Variants in MAST3 observed in about 807,000 individuals in gnomAD.
The protein encoded by MAST3 is microtubule associated serine/threonine kinase 3.
A neutral mutation model predicts 127.0 loss-of-function variants in MAST3; 43 were observed. The ratio of observed to expected loss-of-function variants is 0.34; its 90% CI spans 0.27 to 0.44. MAST3 has a LOEUF of 0.44. Among genes scored for constraint, MAST3 ranks in the 20% least tolerant of loss-of-function variants. The pLI is 1.00. For missense variants in MAST3, 1,390 were observed against 1,919.1 expected, an observed-to-expected ratio of 0.72 and a Z score of 5.15; for synonymous variants, 785 against 809.2, an observed-to-expected ratio of 0.97 and a Z score of 0.51.
chr19:18,131,741 G>A (rs542485777), intron 14 of MAST3, among the ~76,000 whole-genome samples, 168 bp from the exon 15 acceptor site: 8 of 152,044 alleles, frequency 5.3e-5, no homozygotes, highest in Non-Finnish European at 7.4e-5. Context: ...ATGAAGGTAG[G>A]GTCCGCCCCT....
chr19:18,144,061 G>A lies in MAST3; in HGVS notation c.2584+54G>A. 1 of 1,535,138 alleles carries A rather than the reference G, an allele frequency of 6.5e-7. No individual in the cohort carries two copies. Among genetic ancestry groups the A allele is most frequent in the African/African-American group, 1.4e-5 (1 of 72,574 alleles). ...ATGTCATGGAAGTTTCCCAGAGGAG[G>A]GGCTATTTGAGATGGGTTTTCAAGG... On this transcript the variant is annotated intron_variant, in intron 22 of 27. Coordinates refer to ENST00000687212, the MANE Select transcript of MAST3 (RefSeq NM_001393504.1). The surrounding 1 kb of genome is among the most constrained non-coding windows in gnomAD (Gnocchi z 4.0).
intron 6 of MAST3, 39 bp from the exon 7 acceptor site, chr19:18,123,178 G>T: frequency 1.2e-6 from 2 of 1,610,356 alleles, no homozygotes; most frequent in Non-Finnish European, 1.7e-6. Context: ...CAGCACTGAC[G>T]GTGAACTCAT....
In MAST3 at chr19:18,145,927, T is replaced by A; in HGVS notation, c.3162+62T>A. ...AGCACCCCTTGGCCGCAGCTCCCGG[T>A]TCCCCGTGGTTCTCCGCGTCCAGAC... is the stretch of plus-strand genomic sequence containing the variant. On this transcript the variant is annotated intron_variant, in intron 25 of 27. Transcript: ENST00000687212. The surrounding 1 kb of genome is among the most constrained non-coding windows in gnomAD (Gnocchi z 5.9). 1 of 1,501,894 alleles carries A rather than the reference T, an allele frequency of 6.7e-7. No individual in the cohort carries two copies. The highest frequency in any genetic ancestry group is 8.8e-7 in the Non-Finnish European group (1 of 1,133,168). The allele number at this position is 1,501,894 out of a possible 1,614,324, so 93.0% of individuals were successfully genotyped here.
At position 18,142,017 on chromosome 19, in the gene MAST3, TA is replaced by T. The variant is rs770523284; in HGVS notation, c.2339+4del. The T allele has an allele frequency of 3.1e-5, 46 of 1,486,694 alleles. No individual in the cohort carries two copies. The highest frequency in any genetic ancestry group is 4.2e-5 in the African/African-American group (3 of 70,648). The allele number at this position is 1,486,694 out of a possible 1,614,324, so 92.1% of individuals were successfully genotyped here. On this transcript the variant is annotated splice_donor_region_variant and intron_variant, in intron 21 of 27. Coordinates refer to ENST00000687212, the MANE Select transcript of MAST3 (RefSeq NM_001393504.1). ...CCGCCGGCTGAGTGCTGACATCCGG[TA>T]AGTGGCCTGGGGAAGTGTAGGCAGA...
At position 18,141,377 on chromosome 19, in the gene MAST3, C is replaced by CTTTTTTTTTTTTTTTTT. The variant is rs370099564; in HGVS notation, c.2206-492_2206-491insTTTTTTTTTTTTTTTTT. Among the ~76,000 whole-genome samples the CTTTTTTTTTTTTTTTTT allele has an allele frequency of 1.6e-5, 2 of 122,768 alleles. 1 individual carries two copies. The highest frequency in any genetic ancestry group is 6.3e-5 in the African/African-American group (2 of 31,708). The allele number at this position is 122,768 out of a possible 152,430, so 80.5% of individuals were successfully genotyped here. ...GGAATCACTGGACTAAGCCAGCTTT[C>CTTTTTTTTTTTTTTTTT]TTTTTTTTTTTTTGAAACAGAGTCT... On this transcript the variant is annotated intron_variant, in intron 20 of 27. Coordinates refer to ENST00000687212, the MANE Select transcript of MAST3 (RefSeq NM_001393504.1).
chr19:18,147,195 C>G (rs1235578997), intron 26 of MAST3, among the ~76,000 whole-genome samples, 151 bp downstream of exon 26: 1 of 148,744 alleles, frequency 6.7e-6, no homozygotes, highest in African/African-American at 2.5e-5. Context: ...CCTCCACCTC[C>G]CGGGTTCAAG....
At chr19:18,136,628 T>C (rs2041919021) in intron 18 of MAST3, among the ~76,000 whole-genome samples, 2 of 152,000 alleles carry the variant, frequency 1.3e-5, no homozygotes, top group African/African-American at 4.8e-5. Context: ...AATTTCACCA[T>C]GTTGCCCAGG....
Position 18,141,896 on chromosome 19 carries a change from T to C in MAST3, c.2220T>C (p.Ser740=), listed in dbSNP as rs1180409250. Residue 740 remains serine, a synonymous_variant, in exon 21 of 28, where the codon TCT becomes TCC. Coordinates refer to ENST00000687212, the MANE Select transcript of MAST3 (RefSeq NM_001393504.1). ...SHRFSKVYSS[S]EFLAVQPTPT... is the part of the protein sequence containing the mutation. ...TTGCCTCCCAGGTCTACAGCAGCTC[T>C]GAGTTCCTGGCCGTCCAGCCCACTC... 2 of 1,491,420 alleles carry C rather than the reference T, an allele frequency of 1.3e-6. No individual in the cohort carries two copies. Among genetic ancestry groups the C allele is most frequent in the Non-Finnish European group, 1.8e-6 (2 of 1,113,894 alleles). 92.4% of individuals were successfully genotyped at this position (1,491,420 alleles called of 1,614,324 possible). A position where few individuals can be genotyped will look rare whatever the true frequency, so the allele number is the denominator to read the frequency against.
rs775002510 is a variant in MAST3 at position 18,139,132 on chromosome 19, C to T, written c.2205+8C>T. The stretch of plus-strand genomic sequence containing the variant: ...TCCCACCGGTTCAGCAAGGTGGGCC[C>T]GGGTCCCGAGGGGAGCCACTGCTCA... On this transcript the variant is annotated splice_region_variant and intron_variant, in intron 20 of 27. Transcript: ENST00000687212. 2.7e-5 allele frequency: 42 copies of T among 1,582,312 alleles called. No individual in the cohort carries two copies. The highest frequency in any genetic ancestry group is 3.5e-5 in the Admixed American group (2 of 56,442).
intron 1 of MAST3, among the ~76,000 whole-genome samples, chr19:18,100,062 G>T (rs537240477): frequency 6.6e-6 from 1 of 151,664 alleles, no homozygotes; most frequent in African/African-American, 2.4e-5. Flanking sequence ...TACCAGGTGT[G>T]GTGGCTCATG....
chr19:18,117,974 C>T, intron 3 of MAST3: 1 of 323,490 alleles, frequency 3.1e-6, no homozygotes, highest in Non-Finnish European at 4.4e-6. Context: ...CCAACGGCCC[C>T]GCCCCCGCAC....
rs1599902226 is a variant in MAST3, at chr19:18,145,287, T to C, written c.3039+58T>C. On this transcript the variant is annotated intron_variant, in intron 24 of 27. Coordinates refer to ENST00000687212, the MANE Select transcript of MAST3 (RefSeq NM_001393504.1). The surrounding 1 kb of genome is among the most constrained non-coding windows in gnomAD (Gnocchi z 5.9). ...GTTCTAGTTTGACTCTGCCCGGTCA[T>C]GTCCCTTCTCAGAGCTGCATTTTGG... 2.0e-6 allele frequency: 3 copies of C among 1,533,564 alleles called. No individual in the cohort carries two copies. The highest frequency in any genetic ancestry group is 2.7e-6 in the Non-Finnish European group (3 of 1,109,830). The allele number at this position is 1,533,564 out of a possible 1,614,324, so 95.0% of individuals were successfully genotyped here. A position where few individuals can be genotyped will look rare whatever the true frequency, so the allele number is the denominator to read the frequency against.
chr19:18,135,131 G>T, intron 17 of MAST3, 149 bp downstream of exon 17: 1 of 913,038 alleles, frequency 1.1e-6, no homozygotes, highest in South Asian at 1.7e-5. Flanking sequence ...GAGTGAGGCG[G>T]GTGGCTGGAT....
Position 18,134,900 on chromosome 19 carries a change from C to T in MAST3, c.1788C>T (p.Gly596=), listed in dbSNP as rs1390161686. 1.1e-5 allele frequency: 17 copies of T among 1,613,910 alleles called. No homozygotes were observed. Among genetic ancestry groups the T allele is most frequent in the South Asian group, 2.2e-5 (2 of 91,082 alleles). Residue 596 remains glycine, a synonymous_variant, in exon 17 of 28, where the codon GGC becomes GGT. Coordinates refer to ENST00000687212, the MANE Select transcript of MAST3 (RefSeq NM_001393504.1). The part of the protein sequence containing the change: ...YGKPVDWWAM[G]VVLYEFLVGC... ...AGCCAGTGGACTGGTGGGCCATGGG[C>T]GTCGTCCTCTATGAGTTTCTGGTGG...
intron 27 of MAST3, 33 bp downstream of exon 27, chr19:18,147,657 T>G (rs759273982): frequency 6.9e-7 from 1 of 1,449,928 alleles, no homozygotes; most frequent in Non-Finnish European, 9.3e-7. Flanking sequence ...CCACCCCGGC[T>G]ACCCTGGGAG....
chr19:18,145,215 C>G lies in MAST3; in HGVS notation c.3025C>G (p.His1009Asp). 1.2e-6 allele frequency: 2 copies of G among 1,613,666 alleles called. No individual in the cohort carries two copies. Among genetic ancestry groups the G allele is most frequent in the Non-Finnish European group, 1.7e-6 (2 of 1,179,690 alleles). Residue 1009 changes from histidine (H) to aspartate (D), a missense_variant, in exon 24 of 28, where the codon CAC (histidine) becomes GAC (aspartate). Transcript: ENST00000687212. This position sits in a 1 kb window ranked among gnomAD's most constrained non-coding sequence, Gnocchi z 5.9. ...YMGDSDVYTV[H>D]HVVWSVEDGS... ...GGGTGATAGCGACGTCTACACTGTG[C>G]ACCACGTCGTCTGGGTGAGTGCCGA...
chr19:18,101,938 A>G (rs2037666772), intron 1 of MAST3, among the ~76,000 whole-genome samples: 1 of 117,932 alleles, frequency 8.5e-6, no homozygotes, highest in Non-Finnish European at 1.6e-5. Flanking sequence ...CCCAGGCTGG[A>G]GTGCAGTGGC....
In MAST3 at chr19:18,110,808, C is replaced by T; in HGVS notation, c.161+67C>T. 1.3e-6 allele frequency: 1 copy of T among 797,558 alleles called. No homozygotes were observed. The highest frequency in any genetic ancestry group is 1.5e-6 in the Non-Finnish European group (1 of 658,036). The allele number at this position is 797,558 out of a possible 1,614,324, so 49.4% of individuals were successfully genotyped here. On this transcript the variant is annotated intron_variant, in intron 3 of 27. Transcript: ENST00000687212. The surrounding 1 kb of genome is among the most constrained non-coding windows in gnomAD (Gnocchi z 4.3). ...GGCACCCCAGAGCCTTGGAAACCCT[C>T]CAGACTCATCGGTCTCCTCAAGATA...
In MAST3 at chr19:18,149,119, C is replaced by T. The variant is rs2043331365; in HGVS notation, c.3509-72C>T. ...GGATGTGGGCTTTAGCAGTTTTTGT[C>T]AGTCCCACAGCTCCACTTCTGGGCT... On this transcript the variant is annotated intron_variant, in intron 27 of 27. Coordinates refer to ENST00000687212, the MANE Select transcript of MAST3 (RefSeq NM_001393504.1). This position sits in a 1 kb window ranked among gnomAD's most constrained non-coding sequence, Gnocchi z 5.9. 1 of 1,390,842 alleles carries T rather than the reference C, an allele frequency of 7.2e-7. No homozygotes were observed. Among genetic ancestry groups the T allele is most frequent in the Non-Finnish European group, 9.3e-7 (1 of 1,069,746 alleles). The allele number at this position is 1,390,842 out of a possible 1,614,324, so 86.2% of individuals were successfully genotyped here.
Sources: gnomAD v4.1 joint callset for allele counts (sites outside exome capture counted in the v4.1 genomes callset) on GRCh38, gnomAD v4.1.1 for gene constraint, Gnocchi (gnomAD v3.1) non-coding constraint, MANE v1.5 for transcripts, NCBI Gene and HGNC (gene_info 2026-07-23, HGNC 2026-07-21) for gene names.